CDK6: variants seen among roughly 807,000 people sequenced by gnomAD.
CDK6 encodes the protein cyclin-dependent kinase 6.
CDK6 carries 6 observed loss-of-function variants against 37.1 expected under a neutral mutation model. The ratio of observed to expected loss-of-function variants is 0.16; its 90% CI spans 0.09 to 0.32. The LOEUF is 0.32. CDK6 is among the 10% of genes least tolerant of loss of function. The pLI is 1.00. For synonymous variants in CDK6, 160 were observed against 161.3 expected (o/e 0.99, Z 0.06); for missense variants, 224 against 418.9 (o/e 0.53, Z 4.06).
intron 3 of CDK6, among the ~76,000 whole-genome samples, chr7:92,754,467 T>A (rs1799264084): frequency 6.6e-6 from 1 of 152,176 alleles, no homozygotes. Flanking sequence ...TTTCCCCCAT[T>A]CTTTCTGTAA....
At chr7:92,736,354 G>A (rs564774560) in intron 3 of CDK6, among the ~76,000 whole-genome samples, 8 of 152,080 alleles carry the variant, frequency 5.3e-5, no homozygotes, top group Admixed American at 2.6e-4. Flanking sequence ...GATGCTACAC[G>A]GAAGCACCTG....
chr7:92,794,825 G>A (rs1215544140), intron 2 of CDK6, among the ~76,000 whole-genome samples: 3 of 152,108 alleles, frequency 2.0e-5, no homozygotes, highest in East Asian at 3.8e-4. Flanking sequence ...CCTGAACCAA[G>A]TCTGATAAAT....
intron 5 of CDK6, among the ~76,000 whole-genome samples, chr7:92,646,799 G>A (rs1226890593): frequency 1.3e-5 from 2 of 152,114 alleles, no homozygotes; most frequent in Admixed American, 6.5e-5. Context: ...ATGCAACTGA[G>A]TTAAATATAT....
At chr7:92,660,941 A>G in intron 5 of CDK6, among the ~76,000 whole-genome samples, 1 of 152,218 alleles carries the variant, frequency 6.6e-6, no homozygotes, top group Non-Finnish European at 1.5e-5. Context: ...TCTGAGGGTC[A>G]TCTATATCTT....
intron 3 of CDK6, among the ~76,000 whole-genome samples, chr7:92,764,977 A>G (rs1053474410): frequency 6.6e-6 from 1 of 152,130 alleles, no homozygotes. Context: ...CTTAATATAT[A>G]TGGGCATCTG....
chr7:92,633,733 T>C (rs1170103673), intron 5 of CDK6, among the ~76,000 whole-genome samples: 3 of 152,090 alleles, frequency 2.0e-5, no homozygotes, highest in African/African-American at 7.2e-5. Flanking sequence ...ATGTAATGTG[T>C]TAGTTTCCTT....
chr7:92,764,952 G>C (rs1000542658), intron 3 of CDK6, among the ~76,000 whole-genome samples: 7 of 151,954 alleles, frequency 4.6e-5, no homozygotes, highest in African/African-American at 1.7e-4. Flanking sequence ...CTAGTAGAAT[G>C]GTCCTTTTTT....
chr7:92,651,563 T>C (rs778328698), intron 5 of CDK6, among the ~76,000 whole-genome samples: 1 of 152,144 alleles, frequency 6.6e-6, no homozygotes, highest in Non-Finnish European at 1.5e-5. Flanking sequence ...AGTTAGGGAC[T>C]AGGAGTAGAA....
chr7:92,635,593 A>G (rs1796151799), intron 5 of CDK6, among the ~76,000 whole-genome samples: 1 of 152,200 alleles, frequency 6.6e-6, no homozygotes, highest in South Asian at 2.1e-4. Flanking sequence ...TCAAGAACAA[A>G]TAGAATGAAC....
chr7:92,611,930 C>T lies in CDK6; in HGVS notation c.*3210G>A, dbSNP rs1795570736. 4.3e-6 allele frequency: 1 copy of T among 232,776 alleles called. No homozygotes were observed. The highest frequency in any genetic ancestry group is 6.0e-5 in the East Asian group (1 of 16,534). The allele number at this position is 232,776 out of a possible 1,614,324, so 14.4% of individuals were successfully genotyped here. ...GCTGAAATGGCCCCAAGCTTTCTTC[C>T]AAAACAGGTTCTTTGCACCTTGAGT... is the stretch of plus-strand genomic sequence containing the variant. On this transcript the variant is annotated 3_prime_UTR_variant, in exon 8 of 8. Coordinates refer to ENST00000424848, the MANE Select transcript of CDK6 (RefSeq NM_001145306.2).
intron 2 of CDK6, among the ~76,000 whole-genome samples, chr7:92,780,780 CA>C (rs1296755702): frequency 7.2e-6 from 1 of 139,640 alleles, no homozygotes; most frequent in Non-Finnish European, 1.6e-5. Context: ...AAAAAAAAAA[CA>C]AAAAAACAAA....
intron 4 of CDK6, among the ~76,000 whole-genome samples, chr7:92,722,431 T>A (rs1386561070): frequency 6.6e-6 from 1 of 152,190 alleles, no homozygotes; most frequent in Non-Finnish European, 1.5e-5. Flanking sequence ...AGGATTATGA[T>A]AAAAACAATA....
In CDK6 at chr7:92,611,171, A is replaced by T. The variant is rs991775239; in HGVS notation, c.*3969T>A. On this transcript the variant is annotated 3_prime_UTR_variant, in exon 8 of 8. Coordinates refer to ENST00000424848, the MANE Select transcript of CDK6 (RefSeq NM_001145306.2). ...ATCTATTGCCCACTGTTTTATGAAT[A>T]ATTTTTAAAGCCTTAGAAATCATAC... is the stretch of plus-strand genomic sequence containing the variant. 4.4e-6 allele frequency: 1 copy of T among 226,874 alleles called. No homozygotes were observed. 14.1% of individuals were successfully genotyped at this position (226,874 alleles called of 1,614,324 possible).
At chr7:92,642,532 G>A (rs1463103765) in intron 5 of CDK6, among the ~76,000 whole-genome samples, 2 of 152,076 alleles carry the variant, frequency 1.3e-5, no homozygotes, top group East Asian at 3.9e-4. Flanking sequence ...CTGAGAAGAA[G>A]CCATCCTTTA....
At chr7:92,694,642 T>G (rs531673899) in intron 4 of CDK6, among the ~76,000 whole-genome samples, 1 of 152,216 alleles carries the variant, frequency 6.6e-6, no homozygotes, top group South Asian at 2.1e-4. Flanking sequence ...AACAATCATG[T>G]CTGCATGTCA....
At chr7:92,654,245 C>A (rs1796639828) in intron 5 of CDK6, among the ~76,000 whole-genome samples, 1 of 150,510 alleles carries the variant, frequency 6.6e-6, no homozygotes, top group Non-Finnish European at 1.5e-5. Flanking sequence ...TCTTCTCAGT[C>A]TACTGACTTT....
intron 3 of CDK6, among the ~76,000 whole-genome samples, chr7:92,756,855 C>A (rs1799331560): frequency 6.6e-6 from 1 of 152,184 alleles, no homozygotes; most frequent in Admixed American, 6.5e-5. Flanking sequence ...TGCATACCCA[C>A]CTCCACTGGA....
intron 4 of CDK6, among the ~76,000 whole-genome samples, chr7:92,672,134 C>CATATATATATATATATATATAT (rs372523914): frequency 3.1e-5 from 2 of 65,406 alleles, no homozygotes; most frequent in African/African-American, 1.4e-4. Context: ...AAAAGCTGTA[C>CATATATATATATATATATATAT]ATATATATAT....
At chr7:92,823,734 TC>T (rs1230878415) in intron 2 of CDK6, among the ~76,000 whole-genome samples, 1 of 152,114 alleles carries the variant, frequency 6.6e-6, no homozygotes, top group Non-Finnish European at 1.5e-5. Flanking sequence ...CTTGGGTTCT[TC>T]TAAAAAGTTT....
Sources: allele counts gnomAD v4.1 joint callset (sites outside exome capture counted in the v4.1 genomes callset), GRCh38; gene constraint gnomAD v4.1.1; transcripts MANE v1.5; gene names NCBI Gene and HGNC (gene_info 2026-07-23, HGNC 2026-07-21).